The following MSRA variants were observed in gnomAD, a reference collection of about 807,000 sequenced individuals.
MSRA encodes mitochondrial peptide methionine sulfoxide reductase.
MSRA carries 54 observed loss-of-function variants against 31.3 expected under a neutral mutation model. That is an observed-to-expected ratio of 1.73 (90% CI 1.39 to 2.17). The LOEUF (loss-of-function observed/expected upper bound fraction) is 2.17. MSRA is among the 30% of genes most tolerant of loss of function. The pLI, the probability that MSRA is intolerant of heterozygous loss-of-function variation, is 0.00. For synonymous variants in MSRA, 169 were observed against 116.5 expected, an observed-to-expected ratio of 1.45 and a Z score of -2.90; for missense variants, 507 against 300.9, an observed-to-expected ratio of 1.69 and a Z score of -5.07.
At chr8:10,406,881 C>G (rs541227559) in intron 5 of MSRA, among the ~76,000 whole-genome samples, 1 of 152,296 alleles carries the variant, frequency 6.6e-6, no homozygotes, top group Non-Finnish European at 1.5e-5. Context: ...TGAAACAGGC[C>G]TCACTCTCTC....
At chr8:10,322,102 G>T (rs1456934000) in intron 5 of MSRA, among the ~76,000 whole-genome samples, 1 of 152,104 alleles carries the variant, frequency 6.6e-6, no homozygotes. Context: ...GCAGTCTCTA[G>T]CATGAAATTT....
chr8:10,114,883 AATG>A (rs1489293353), intron 1 of MSRA, among the ~76,000 whole-genome samples: 5 of 152,250 alleles, frequency 3.3e-5, no homozygotes, highest in African/African-American at 1.2e-4. Context: ...GATTTGCTAA[AATG>A]ATGATTAAGT....
intron 5 of MSRA, among the ~76,000 whole-genome samples, chr8:10,415,555 C>G (rs766280866): frequency 1.3e-5 from 2 of 152,086 alleles, no homozygotes; most frequent in Non-Finnish European, 2.9e-5. Flanking sequence ...AGAAATAGGC[C>G]ACAGCTTGAT....
chr8:10,363,216 G>A (rs897776535), intron 5 of MSRA, among the ~76,000 whole-genome samples: 3 of 152,180 alleles, frequency 2.0e-5, no homozygotes, highest in African/African-American at 7.2e-5. Context: ...CTGGGAGAGC[G>A]ATCCTGATCC....
chr8:10,381,237 C>T (rs1331029990), intron 5 of MSRA, among the ~76,000 whole-genome samples: 5 of 152,166 alleles, frequency 3.3e-5, no homozygotes, highest in African/African-American at 7.2e-5. Context: ...TCCCATGTTC[C>T]TCTTTTTAGC....
Position 10,054,571 on chromosome 8 carries a change from C to G in MSRA, c.55C>G (p.Pro19Ala), listed in dbSNP as rs1563377057. Residue 19 changes from proline to alanine, a missense_variant, in exon 1 of 6, where the codon CCC (proline) becomes GCC (alanine). Physicochemically the swap from Pro to Ala is conservative, Grantham distance 27 (BLOSUM62 -1). Transcript: ENST00000317173. ...GCTCCTCCTCCTCCACAGCCTCTTT[C>G]CCGTCCCGAGGATGGGCAACTCGGC... Reference protein sequence around the residue: ...CQLLLLHSLFPVPRMGNSASN... With the variant: ...CQLLLLHSLFAVPRMGNSASN... The G allele has an allele frequency of 6.3e-7, 1 of 1,587,238 alleles. No homozygotes were observed. Among genetic ancestry groups the G allele is most frequent in the East Asian group, 2.4e-5 (1 of 41,170 alleles).
intron 5 of MSRA, among the ~76,000 whole-genome samples, chr8:10,327,338 A>G (rs932863625): frequency 2.0e-5 from 3 of 152,188 alleles, no homozygotes; most frequent in African/African-American, 4.8e-5. Context: ...TTAAACTTCA[A>G]CTATCTAGCA....
chr8:10,315,428 G>A (rs1459030493), intron 4 of MSRA, among the ~76,000 whole-genome samples: 2 of 152,180 alleles, frequency 1.3e-5, no homozygotes, highest in Admixed American at 6.5e-5. Context: ...TGACATTAGT[G>A]GTGGTGATGT....
intron 5 of MSRA, among the ~76,000 whole-genome samples, chr8:10,427,826 A>G (rs1249164827): frequency 6.6e-6 from 1 of 152,204 alleles, no homozygotes; most frequent in Non-Finnish European, 1.5e-5. Flanking sequence ...CTTTGGGGCC[A>G]GTTTCAAACA....
intron 4 of MSRA, among the ~76,000 whole-genome samples, chr8:10,309,896 G>A (rs1180786600): frequency 6.6e-6 from 1 of 152,206 alleles, no homozygotes; most frequent in African/African-American, 2.4e-5. Flanking sequence ...CAGGAGGTTG[G>A]CTCCCGAGCC....
chr8:10,164,423 A>G (rs1035756681), intron 1 of MSRA, among the ~76,000 whole-genome samples: 3 of 152,168 alleles, frequency 2.0e-5, no homozygotes, highest in Non-Finnish European at 1.5e-5. Context: ...TGTTCGGTGC[A>G]AAGGAATGGC....
chr8:10,105,353 C>T (rs1799813433), intron 1 of MSRA, among the ~76,000 whole-genome samples: 1 of 152,208 alleles, frequency 6.6e-6, no homozygotes, highest in South Asian at 2.1e-4. Flanking sequence ...GCTAATGGGA[C>T]TAATTTCTTA....
chr8:10,411,053 G>A (rs1400419781), intron 5 of MSRA: 1 of 151,752 alleles, frequency 6.6e-6, no homozygotes, highest in Non-Finnish European at 1.5e-5. Flanking sequence ...TCATTGCTAA[G>A]CAGCTTAAAC....
chr8:10,412,532 C>G (rs757850577), intron 5 of MSRA, among the ~76,000 whole-genome samples: 5 of 152,158 alleles, frequency 3.3e-5, no homozygotes, highest in Admixed American at 2.6e-4. Context: ...AATCATGGGA[C>G]AGGGGTTACG....
intron 1 of MSRA, among the ~76,000 whole-genome samples, chr8:10,057,003 C>T (rs1047618462): frequency 6.6e-6 from 1 of 152,174 alleles, no homozygotes; most frequent in Admixed American, 6.5e-5. Flanking sequence ...AGCGTTCATC[C>T]TACCATTTTT....
chr8:10,299,903 C>T (rs1290888221), intron 3 of MSRA, among the ~76,000 whole-genome samples: 4 of 152,272 alleles, frequency 2.6e-5, no homozygotes, highest in Middle Eastern at 3.4e-3. Context: ...GAGGCAGCTT[C>T]AGAAGCATGG....
intron 3 of MSRA, among the ~76,000 whole-genome samples, chr8:10,246,566 A>T (rs1384806915): frequency 1.3e-5 from 2 of 152,186 alleles, no homozygotes; most frequent in African/African-American, 4.8e-5. Context: ...TTTGTGGAGG[A>T]TGCGCTCAGC....
chr8:10,208,129 A>G (rs990451884), intron 2 of MSRA, among the ~76,000 whole-genome samples: 16 of 152,312 alleles, frequency 1.1e-4, no homozygotes, highest in African/African-American at 3.8e-4. Flanking sequence ...CCACGTATCA[A>G]ACTGAGTATT....
chr8:10,306,454 A>G (rs1412033861), intron 4 of MSRA, among the ~76,000 whole-genome samples: 1 of 151,798 alleles, frequency 6.6e-6, no homozygotes, highest in Admixed American at 6.6e-5. Flanking sequence ...TTGTCTGGGT[A>G]AGTATTTACC....
Sources: gnomAD v4.1 joint callset for allele counts (sites outside exome capture counted in the v4.1 genomes callset) on GRCh38, gnomAD v4.1.1 for gene constraint, MANE v1.5 for transcripts, NCBI Gene and HGNC (gene_info 2026-07-23, HGNC 2026-07-21) for gene names.